SEZ6L: variants seen among roughly 807,000 people sequenced by gnomAD.
SEZ6L encodes the protein seizure related 6 homolog like.
A neutral mutation model predicts 106.2 loss-of-function variants in SEZ6L; 37 were observed. That is an observed-to-expected ratio of 0.35 (90% CI 0.27 to 0.46). The LOEUF (loss-of-function observed/expected upper bound fraction) is 0.46, where lower values mean the gene tolerates loss of function less well. Ranked by LOEUF, SEZ6L falls within the 20% of genes least tolerant of loss-of-function variation. The probability of loss-of-function intolerance (pLI) is 1.00; values close to 1 mark genes in which losing one functional copy is unlikely to be tolerated. For missense variants in SEZ6L, 1,172 were observed against 1,332.8 expected (o/e 0.88, Z 1.88); for synonymous variants, 541 against 570.4 (o/e 0.95, Z 0.73).
At chr22:26,371,591 C>A (rs960353413) in intron 13 of SEZ6L, among the ~76,000 whole-genome samples, 4 of 151,634 alleles carry the variant, frequency 2.6e-5, no homozygotes, top group African/African-American at 9.7e-5. Context: ...GAGATTGCAC[C>A]ACTGCACTCC....
intron 1 of SEZ6L, among the ~76,000 whole-genome samples, chr22:26,209,659 AT>A (rs2078089911): frequency 6.8e-6 from 1 of 147,818 alleles, no homozygotes; most frequent in South Asian, 2.3e-4. Flanking sequence ...AAAAAGATGG[AT>A]ATATGGATGG....
intron 1 of SEZ6L, among the ~76,000 whole-genome samples, chr22:26,237,757 C>G (rs1382808205): frequency 6.6e-6 from 1 of 151,958 alleles, no homozygotes; most frequent in Non-Finnish European, 1.5e-5. Context: ...GCCACCCACC[C>G]CACCCCACCT....
chr22:26,319,871 G>A (rs1242369041), intron 9 of SEZ6L, among the ~76,000 whole-genome samples: 1 of 152,128 alleles, frequency 6.6e-6, no homozygotes, highest in Admixed American at 6.5e-5. Flanking sequence ...AGCTTGTCAG[G>A]ATCATACAGA....
chr22:26,312,028 CA>C lies in SEZ6L; in HGVS notation c.1876+68del, dbSNP rs1453892325. The C allele has an allele frequency of 1.7e-5, 25 of 1,493,516 alleles. No homozygotes were observed. The South Asian group carries it at 2.8e-4, about 17-fold the overall frequency. The allele number at this position is 1,493,516 out of a possible 1,614,324, so 92.5% of individuals were successfully genotyped here. ...ATCTCCACCCTTTGGATGAGAAGAC[CA>C]AGGCCCCAGCTTAGAGGCCTGTCCC... On this transcript the variant is annotated intron_variant, in intron 8 of 16. Transcript: ENST00000248933.
At chr22:26,362,988 G>A (rs1398919392) in intron 12 of SEZ6L, among the ~76,000 whole-genome samples, 1 of 152,192 alleles carries the variant, frequency 6.6e-6, no homozygotes, top group Non-Finnish European at 1.5e-5. Flanking sequence ...TTGGAAAAGT[G>A]ATACATTTAA....
chr22:26,234,678 G>C (rs566884738), intron 1 of SEZ6L, among the ~76,000 whole-genome samples: 1 of 152,334 alleles, frequency 6.6e-6, no homozygotes, highest in African/African-American at 2.4e-5. Flanking sequence ...GCCACAATAG[G>C]CCTATTTCTG....
chr22:26,347,726 A>G lies in SEZ6L; in HGVS notation c.2220A>G (p.Ser740=). ...GACGTTTCTCTTTTAAAGAGGTATCAAGGAATGACTCCTGCTCGGATTTAC... is the reference window on the plus strand; with the variant it reads ...GACGTTTCTCTTTTAAAGAGGTATCGAGGAATGACTCCTGCTCGGATTTAC... The part of the protein sequence containing the change: ...QGFIMNYIEV[S]RNDSCSDLPE... The change falls in exon 11 of 17, where the codon TCA becomes TCG. Residue 740 remains serine, a synonymous_variant. Coordinates refer to ENST00000248933, the MANE Select transcript of SEZ6L (RefSeq NM_021115.5). 6.2e-7 allele frequency: 1 copy of G among 1,602,376 alleles called. No homozygotes were observed. Among genetic ancestry groups the G allele is most frequent in the South Asian group, 1.1e-5 (1 of 88,940 alleles).
At chr22:26,365,733 G>C (rs1323931457) in intron 13 of SEZ6L, among the ~76,000 whole-genome samples, 167 bp downstream of exon 13, 1 of 151,926 alleles carries the variant, frequency 6.6e-6, no homozygotes, top group African/African-American at 2.4e-5. Context: ...AATTAGTCAG[G>C]CATGGCGGCA....
chr22:26,369,685 C>G (rs1018190083), intron 13 of SEZ6L, among the ~76,000 whole-genome samples: 4 of 151,810 alleles, frequency 2.6e-5, no homozygotes, highest in Non-Finnish European at 4.4e-5. Flanking sequence ...TGAAGAGCAG[C>G]GAACAGTAAG....
intron 4 of SEZ6L, among the ~76,000 whole-genome samples, chr22:26,297,515 G>T (rs2081335230): frequency 6.6e-6 from 1 of 152,132 alleles, no homozygotes; most frequent in Admixed American, 6.5e-5. Flanking sequence ...GCACAGCTAA[G>T]GTAGAGGTTA....
chr22:26,175,001 C>T (rs114328019), intron 1 of SEZ6L, among the ~76,000 whole-genome samples: 2,219 of 152,300 alleles, frequency 0.015, 53 homozygotes, highest in African/African-American at 0.051. Flanking sequence ...CAATGCCTAA[C>T]ATCACAAAGG....
intron 1 of SEZ6L, among the ~76,000 whole-genome samples, chr22:26,229,392 C>G (rs1004364896): frequency 2.6e-5 from 4 of 152,062 alleles, no homozygotes; most frequent in African/African-American, 7.2e-5. Flanking sequence ...TTTAAATGTG[C>G]AATTTATTAT....
At position 26,292,776 on chromosome 22, in the gene SEZ6L, TCTC is replaced by T. The variant is rs776210383; in HGVS notation, c.469_471del (p.Leu157del). Reference sequence around the variant, plus strand: ...CCCAGCCAGCGTCCCAGGGCCTAGATCTCCTCTCCTCCTCCACGGAGAAGCCTG... The same window carrying T: ...CCCAGCCAGCGTCCCAGGGCCTAGATCTCTCCTCCTCCACGGAGAAGCCTG... On this transcript the variant is annotated inframe_deletion, in exon 2 of 17. Transcript: ENST00000248933. 184 of 1,613,912 alleles carry T rather than the reference TCTC, an allele frequency of 1.1e-4. No homozygotes were observed. In the Middle Eastern group the frequency reaches 7.4e-3, roughly 65 times the overall value.
chr22:26,265,015 T>G (rs1387896004), intron 1 of SEZ6L, among the ~76,000 whole-genome samples: 1 of 152,200 alleles, frequency 6.6e-6, no homozygotes, highest in Non-Finnish European at 1.5e-5. Context: ...AGATGTGTTT[T>G]AGGGGTGGAG....
At chr22:26,298,427 C>T (rs935214926) in intron 4 of SEZ6L, among the ~76,000 whole-genome samples, 1 of 152,160 alleles carries the variant, frequency 6.6e-6, no homozygotes, top group Non-Finnish European at 1.5e-5. Context: ...CTCATTTAAT[C>T]CCCACCACCA....
intron 8 of SEZ6L, among the ~76,000 whole-genome samples, chr22:26,312,517 C>T (rs2081870094): frequency 6.6e-6 from 1 of 151,826 alleles, no homozygotes; most frequent in Non-Finnish European, 1.5e-5. Context: ...TCTCTTTGTT[C>T]TCAGAGCACT....
intron 1 of SEZ6L, among the ~76,000 whole-genome samples, chr22:26,172,732 G>T (rs960916331): frequency 6.6e-6 from 1 of 152,176 alleles, no homozygotes; most frequent in Admixed American, 6.5e-5. Flanking sequence ...CCCTCTTTCT[G>T]ATTACTACAT....
intron 1 of SEZ6L, among the ~76,000 whole-genome samples, chr22:26,205,111 A>G (rs986168211): frequency 6.6e-6 from 1 of 152,206 alleles, no homozygotes; most frequent in African/African-American, 2.4e-5. Flanking sequence ...CTCAATGTCA[A>G]ATTTAAAGAG....
intron 1 of SEZ6L, among the ~76,000 whole-genome samples, chr22:26,178,554 A>G (rs772750669): frequency 1.3e-5 from 2 of 152,202 alleles, no homozygotes; most frequent in Non-Finnish European, 2.9e-5. Flanking sequence ...TGGATACAGT[A>G]TAGCACCTGG....
Sources: gnomAD v4.1 joint callset for allele counts (sites outside exome capture counted in the v4.1 genomes callset) on GRCh38, gnomAD v4.1.1 for gene constraint, MANE v1.5 for transcripts, NCBI Gene and HGNC (gene_info 2026-07-23, HGNC 2026-07-21) for gene names.